Variants in KCNAB1 observed in about 807,000 individuals in gnomAD.
KCNAB1 encodes the protein potassium voltage-gated channel subfamily A regulatory beta subunit 1, also known as voltage-gated potassium channel subunit beta-1.
Under a neutral mutation model 64.6 loss-of-function variants are expected in KCNAB1, and 35 were observed. The ratio of observed to expected loss-of-function variants is 0.54; its 90% CI spans 0.41 to 0.72. The LOEUF (loss-of-function observed/expected upper bound fraction) is 0.72, where lower values mean the gene tolerates loss of function less well. KCNAB1 is among the 30% of genes least tolerant of loss of function. The pLI is 0.00. For missense variants in KCNAB1, 401 were observed against 512.9 expected (o/e 0.78, Z 2.11); for synonymous variants, 177 against 183.8 (o/e 0.96, Z 0.30).
intron 2 of KCNAB1, among the ~76,000 whole-genome samples, chr3:156,438,984 A>C (rs533281565): frequency 6.6e-6 from 1 of 151,502 alleles, no homozygotes; most frequent in Non-Finnish European, 1.5e-5. Context: ...ATTGCACTCC[A>C]GTCTGGGTGA....
intron 1 of KCNAB1, among the ~76,000 whole-genome samples, chr3:156,338,589 G>T (rs1723892436): frequency 6.6e-6 from 1 of 152,172 alleles, no homozygotes; most frequent in South Asian, 2.1e-4. Flanking sequence ...TAGGATTACA[G>T]GCGTGAGCCA....
chr3:156,150,955 AG>A (rs1283032801), intron 1 of KCNAB1, among the ~76,000 whole-genome samples: 1 of 152,196 alleles, frequency 6.6e-6, no homozygotes, highest in Non-Finnish European at 1.5e-5. Context: ...TTTCTAGCGT[AG>A]GGGGTTCTGA....
intron 1 of KCNAB1, among the ~76,000 whole-genome samples, chr3:156,243,551 G>T (rs1270389460): frequency 1.3e-5 from 2 of 152,218 alleles, no homozygotes. Flanking sequence ...TCAAGGGTGA[G>T]AAACTAAAAC....
In KCNAB1 at chr3:156,523,936, A is replaced by G. The variant is rs777759364; in HGVS notation, c.1070A>G (p.Gln357Arg). Residue 357 changes from glutamine to arginine, a missense_variant, in exon 12 of 14, where the codon CAG (glutamine) becomes CGG (arginine). Gln to Arg is a conservative substitution (Grantham distance 43, BLOSUM62 1). Transcript: ENST00000490337. The part of the protein sequence containing the change: ...IAERLGCTLP[Q>R]LAVAWCLRNE... ...GAGCGTCTGGGATGCACACTACCTC[A>G]GCTAGCTGTTGGTAAGAAAATTACT... is the stretch of plus-strand genomic sequence containing the variant. 1 of 1,613,592 alleles carries G rather than the reference A, an allele frequency of 6.2e-7. No homozygotes were observed. Among genetic ancestry groups the G allele is most frequent in the Non-Finnish European group, 8.5e-7 (1 of 1,179,874 alleles).
chr3:156,213,215 C>CTTTT (rs5853744), intron 1 of KCNAB1, among the ~76,000 whole-genome samples: 7 of 142,902 alleles, frequency 4.9e-5, no homozygotes, highest in Non-Finnish European at 4.6e-5. Flanking sequence ...GTCTCTTTCA[C>CTTTT]TTTTTTTTTT....
intron 3 of KCNAB1, among the ~76,000 whole-genome samples, chr3:156,456,280 ACT>A (rs890876616): frequency 1.3e-5 from 2 of 152,094 alleles, no homozygotes; most frequent in African/African-American, 4.8e-5. Flanking sequence ...TCTTAAAAAA[ACT>A]CTCTAGATAA....
At chr3:156,140,323 A>G (rs1272786123) in intron 1 of KCNAB1, among the ~76,000 whole-genome samples, 2 of 152,206 alleles carry the variant, frequency 1.3e-5, no homozygotes, top group African/African-American at 4.8e-5. Context: ...GGCTGTTACC[A>G]TAGACTTAAT....
chr3:156,233,228 A>T (rs1716639519), intron 1 of KCNAB1, among the ~76,000 whole-genome samples: 1 of 152,210 alleles, frequency 6.6e-6, no homozygotes. Flanking sequence ...CAATTTAAAT[A>T]TGTAACATAT....
At chr3:156,478,343 A>G (rs1714533314) in intron 8 of KCNAB1, among the ~76,000 whole-genome samples, 1 of 152,094 alleles carries the variant, frequency 6.6e-6, no homozygotes, top group African/African-American at 2.4e-5. Context: ...AATACTATGG[A>G]CCCTTAGCAT....
intron 12 of KCNAB1, 99 bp downstream of exon 12, chr3:156,524,046 GCAGGGA>G: frequency 8.7e-7 from 1 of 1,155,304 alleles, no homozygotes; most frequent in Non-Finnish European, 1.2e-6. Flanking sequence ...AATGTCTATT[GCAGGGA>G]CAGATGATCT....
At chr3:156,353,254 C>G (rs970155730) in intron 1 of KCNAB1, among the ~76,000 whole-genome samples, 1 of 152,110 alleles carries the variant, frequency 6.6e-6, no homozygotes. Context: ...CTACCTTTTC[C>G]TTTTCTCTCT....
intron 1 of KCNAB1, among the ~76,000 whole-genome samples, chr3:156,151,091 A>T (rs1018684045): frequency 6.6e-6 from 1 of 152,086 alleles, no homozygotes; most frequent in Non-Finnish European, 1.5e-5. Context: ...ACCTTGTTAC[A>T]CAGTTAAGAT....
chr3:156,178,020 G>A (rs1450860833), intron 1 of KCNAB1, among the ~76,000 whole-genome samples: 1 of 152,196 alleles, frequency 6.6e-6, no homozygotes, highest in Non-Finnish European at 1.5e-5. Context: ...ACAGGTGTGA[G>A]CCACCGCACC....
At chr3:156,337,746 G>T (rs1281595055) in intron 1 of KCNAB1, among the ~76,000 whole-genome samples, 1 of 152,186 alleles carries the variant, frequency 6.6e-6, no homozygotes, top group African/African-American at 2.4e-5. Context: ...TAGGTAAGTT[G>T]TGACTCAGCC....
intron 1 of KCNAB1, among the ~76,000 whole-genome samples, chr3:156,219,009 G>GA (rs1715521476): frequency 6.6e-6 from 1 of 151,402 alleles, no homozygotes; most frequent in Non-Finnish European, 1.5e-5. Context: ...AAATGAGAAG[G>GA]AATCAGAAAA....
intron 1 of KCNAB1, among the ~76,000 whole-genome samples, chr3:156,328,456 C>T (rs1458640805): frequency 6.6e-6 from 1 of 152,134 alleles, no homozygotes; most frequent in East Asian, 1.9e-4. Flanking sequence ...AGTGTTGTCT[C>T]ATCTTTTGCA....
chr3:156,423,814 G>A (rs940646100), intron 2 of KCNAB1, among the ~76,000 whole-genome samples: 2 of 152,194 alleles, frequency 1.3e-5, no homozygotes, highest in Non-Finnish European at 2.9e-5. Context: ...AATGAGGACA[G>A]AGTCAGGAAA....
chr3:156,227,054 A>G (rs1471988592), intron 1 of KCNAB1, among the ~76,000 whole-genome samples: 1 of 152,246 alleles, frequency 6.6e-6, no homozygotes, highest in Admixed American at 6.5e-5. Context: ...GATTTTTTAC[A>G]AAGCTACATG....
chr3:156,388,320 C>T (rs937130286), intron 1 of KCNAB1, among the ~76,000 whole-genome samples: 8 of 152,120 alleles, frequency 5.3e-5, no homozygotes, highest in Non-Finnish European at 1.0e-4. Flanking sequence ...GTTCAGAGTT[C>T]CTGGAAGGTT....
Sources: gnomAD v4.1 joint callset for allele counts (sites outside exome capture counted in the v4.1 genomes callset) on GRCh38, gnomAD v4.1.1 for gene constraint, MANE v1.5 for transcripts, NCBI Gene and HGNC (gene_info 2026-07-23, HGNC 2026-07-21) for gene names.